The following PACRG variants were observed in gnomAD, a reference collection of about 807,000 sequenced individuals.
PACRG encodes the protein parkin coregulated gene protein.
Under a neutral mutation model 29.7 loss-of-function variants are expected in PACRG, and 29 were observed. The observed-to-expected ratio is 0.98, with a 90% confidence interval of 0.73 to 1.33. PACRG has a LOEUF of 1.33. PACRG is among the 40% of genes most tolerant of loss of function. PACRG has a pLI of 0.00. For synonymous variants in PACRG, 116 were observed against 118.7 expected (o/e 0.98, Z 0.15); for missense variants, 279 against 316.2 (o/e 0.88, Z 0.89).
At chr6:162,938,861 C>T (rs1053002284) in intron 2 of PACRG, among the ~76,000 whole-genome samples, 3 of 151,884 alleles carry the variant, frequency 2.0e-5, no homozygotes, top group Non-Finnish European at 4.4e-5. Context: ...TTGGTTTTTT[C>T]TTGCTAATTC....
chr6:163,252,134 A>T (rs9295214), intron 4 of PACRG, among the ~76,000 whole-genome samples: 1 of 152,030 alleles, frequency 6.6e-6, no homozygotes, highest in African/African-American at 2.4e-5. Context: ...TGCCTGCCTC[A>T]CAATTACCCC....
chr6:162,943,476 G>T (rs1018116682), intron 2 of PACRG, among the ~76,000 whole-genome samples: 1 of 152,102 alleles, frequency 6.6e-6, no homozygotes, highest in Non-Finnish European at 1.5e-5. Flanking sequence ...AGCTGCCTGC[G>T]TATGGCTGCT....
intron 1 of PACRG, among the ~76,000 whole-genome samples, chr6:162,745,916 A>G (rs993922342): frequency 6.6e-6 from 1 of 152,116 alleles, no homozygotes; most frequent in Non-Finnish European, 1.5e-5. Context: ...TCATTTTGGG[A>G]AAAAAGTGTA....
intron 2 of PACRG, among the ~76,000 whole-genome samples, chr6:162,831,762 G>A (rs1031344611): frequency 6.6e-6 from 1 of 152,124 alleles, no homozygotes; most frequent in Non-Finnish European, 1.5e-5. Flanking sequence ...ACGGTGTTTA[G>A]GTTTTCTGTT....
At chr6:162,833,024 G>A (rs567821291) in intron 2 of PACRG, among the ~76,000 whole-genome samples, 1 of 152,006 alleles carries the variant, frequency 6.6e-6, no homozygotes, top group Middle Eastern at 3.4e-3. Flanking sequence ...ATGCCATCTC[G>A]ATATTTTTAC....
chr6:162,794,371 G>A (rs538946870), intron 1 of PACRG, among the ~76,000 whole-genome samples: 1 of 152,124 alleles, frequency 6.6e-6, no homozygotes, highest in African/African-American at 2.4e-5. Context: ...GATTATGCTT[G>A]TATATATCTA....
chr6:163,150,297 C>G (rs917835346), intron 4 of PACRG, among the ~76,000 whole-genome samples: 1 of 152,130 alleles, frequency 6.6e-6, no homozygotes, highest in Non-Finnish European at 1.5e-5. Flanking sequence ...CATCCCGGAG[C>G]TAAACAAGGC....
chr6:163,035,617 G>A (rs1055324249), intron 2 of PACRG, among the ~76,000 whole-genome samples: 1 of 151,862 alleles, frequency 6.6e-6, no homozygotes, highest in Middle Eastern at 3.2e-3. Flanking sequence ...CTGCACTCCA[G>A]CCTGGGCGAC....
intron 2 of PACRG, among the ~76,000 whole-genome samples, chr6:162,856,224 A>AT (rs1276005352): frequency 1.3e-5 from 2 of 151,912 alleles, no homozygotes; most frequent in Admixed American, 1.3e-4. Flanking sequence ...ATGCCTGGTA[A>AT]TTTTTTAAAT....
intron 4 of PACRG, among the ~76,000 whole-genome samples, chr6:163,313,274 T>C (rs1785508431): frequency 6.6e-6 from 1 of 152,090 alleles, no homozygotes. Flanking sequence ...TTATTATGAA[T>C]AAATGACATG....
chr6:163,002,891 C>A (rs950667228), intron 2 of PACRG, among the ~76,000 whole-genome samples: 1 of 152,158 alleles, frequency 6.6e-6, no homozygotes, highest in African/African-American at 2.4e-5. Flanking sequence ...TGGATGCTGT[C>A]CTCAGATGTG....
chr6:162,984,978 T>G lies in PACRG; in HGVS notation c.292-77172T>G, dbSNP rs59938445. On this transcript the variant is annotated intron_variant, in intron 2 of 4. Transcript: ENST00000366888. ...TGGGTTGTCTGTTAACTGTGCTGAT[T>G]ACTTGTTTTGCTGTGCAGAAGCTTA... is the stretch of plus-strand genomic sequence containing the variant. Among the ~76,000 whole-genome samples the G allele has an allele frequency of 6.9e-3, 1,043 of 152,044 alleles. 16 individuals are homozygous for G. Among genetic ancestry groups the G allele is most frequent in the African/African-American group, 0.024 (983 of 41,520 alleles).
chr6:162,897,050 A>G (rs1795222811), intron 2 of PACRG, among the ~76,000 whole-genome samples: 1 of 152,222 alleles, frequency 6.6e-6, no homozygotes, highest in South Asian at 2.1e-4. Context: ...ATGAGCCCCT[A>G]CAACAAGGAA....
At chr6:163,217,166 A>G (rs1198322174) in intron 4 of PACRG, among the ~76,000 whole-genome samples, 1 of 152,190 alleles carries the variant, frequency 6.6e-6, no homozygotes, top group Non-Finnish European at 1.5e-5. Context: ...GCCTGACTAA[A>G]TGAGGCCTGG....
At chr6:162,762,030 A>T (rs1782414184) in intron 1 of PACRG, among the ~76,000 whole-genome samples, 1 of 151,106 alleles carries the variant, frequency 6.6e-6, no homozygotes, top group African/African-American at 2.4e-5. Flanking sequence ...TCAAAGAAAC[A>T]AGCAGATCTA....
At chr6:162,727,717 C>G, upstream of PACRG, 2 of 1,547,618 alleles carry the variant, frequency 1.3e-6, no homozygotes, top group Non-Finnish European at 8.7e-7. Flanking sequence ...CCCATGCGCG[C>G]AGCGGCGCCA....
intron 1 of PACRG, among the ~76,000 whole-genome samples, chr6:162,739,841 TAAAAAAAAA>T (rs34535656): frequency 5.4e-5 from 7 of 130,126 alleles, no homozygotes; most frequent in African/African-American, 1.4e-4. Flanking sequence ...GCTCCATCTT[TAAAAAAAAA>T]AAAAAAAAAA....
intron 4 of PACRG, among the ~76,000 whole-genome samples, chr6:163,298,045 C>T (rs550238405): frequency 5.9e-5 from 9 of 152,288 alleles, no homozygotes; most frequent in African/African-American, 1.9e-4. Flanking sequence ...CTCTTCATCA[C>T]ATCTCTCTGC....
At chr6:163,006,104 A>G (rs1805071833) in intron 2 of PACRG, among the ~76,000 whole-genome samples, 1 of 143,584 alleles carries the variant, frequency 7.0e-6, no homozygotes, top group South Asian at 2.1e-4. Context: ...TATAATATAT[A>G]ATATATAGAA....
Sources: gnomAD v4.1 joint callset for allele counts (sites outside exome capture counted in the v4.1 genomes callset) on GRCh38, gnomAD v4.1.1 for gene constraint, MANE v1.5 for transcripts, NCBI Gene and HGNC (gene_info 2026-07-23, HGNC 2026-07-21) for gene names.